ZBTB20: variants seen among roughly 807,000 people sequenced by gnomAD.
ZBTB20 encodes the protein zinc finger and BTB domain containing 20.
A neutral mutation model predicts 56.9 loss-of-function variants in ZBTB20; 9 were observed. The observed-to-expected ratio is 0.16, with a 90% confidence interval of 0.10 to 0.28. ZBTB20 has a LOEUF of 0.28. ZBTB20 is among the 10% of genes least tolerant of loss of function. ZBTB20 has a pLI of 1.00. For missense variants in ZBTB20, 655 were observed against 1,003.0 expected, an observed-to-expected ratio of 0.65 and a Z score of 4.69; for synonymous variants, 417 against 420.7, an observed-to-expected ratio of 0.99 and a Z score of 0.11.
rs2718442 is a variant in ZBTB20 at position 114,530,279 on chromosome 3, C to G, written c.-294-29888G>C. 6.6e-3 allele frequency among the ~76,000 whole-genome samples: 1,005 copies of G among 152,266 alleles called. 9 individuals carry two copies. The highest frequency in any genetic ancestry group is 0.022 in the African/African-American group (924 of 41,534). On this transcript the variant is annotated intron_variant, in intron 6 of 11. Coordinates refer to ENST00000675478, the MANE Select transcript of ZBTB20 (RefSeq NM_001348800.3). ...AGGCATACACTTTTGATCTTTTATGCTGTGTTTGTACTGTACCTTTTCAAT... is the reference window on the plus strand; with the variant it reads ...AGGCATACACTTTTGATCTTTTATGGTGTGTTTGTACTGTACCTTTTCAAT...
rs72943811 is a variant in ZBTB20 at position 115,026,411 on chromosome 3, T to A, written c.-507+44808A>T. Among the ~76,000 whole-genome samples, 897 of 151,188 alleles carry A rather than the reference T, an allele frequency of 5.9e-3. 12 individuals are homozygous for A. Among genetic ancestry groups the A allele is most frequent in the African/African-American group, 0.021 (868 of 41,418 alleles). ...ACCAAAGTTTTCTAGAATTTAATTG[T>A]TCTTCACCTAACATCTTTAAAACTC... On this transcript the variant is annotated intron_variant, in intron 2 of 11. Coordinates refer to ENST00000675478, the MANE Select transcript of ZBTB20 (RefSeq NM_001348800.3).
At chr3:114,588,451 A>G (rs1005772872) in intron 6 of ZBTB20, among the ~76,000 whole-genome samples, 1 of 152,088 alleles carries the variant, frequency 6.6e-6, no homozygotes, top group Non-Finnish European at 1.5e-5. Flanking sequence ...CAAATAATAA[A>G]CTCAGTGAGA....
chr3:114,622,379 A>G (rs2058380408), intron 6 of ZBTB20, among the ~76,000 whole-genome samples: 1 of 152,224 alleles, frequency 6.6e-6, no homozygotes, highest in African/African-American at 2.4e-5. Context: ...GTATAGTCCT[A>G]ACACGAGCTA....
chr3:114,596,342 T>C (rs1025632906), intron 6 of ZBTB20, among the ~76,000 whole-genome samples: 1 of 152,212 alleles, frequency 6.6e-6, no homozygotes, highest in African/African-American at 2.4e-5. Context: ...GAATGCACAA[T>C]GATGTCATTT....
At chr3:114,845,889 ACTTGT>A (rs1171535475) in intron 4 of ZBTB20, among the ~76,000 whole-genome samples, 9 of 152,174 alleles carry the variant, frequency 5.9e-5, no homozygotes. Context: ...GCTCAACTGC[ACTTGT>A]CTTGACCATA....
chr3:114,676,401 G>T (rs2061627448), intron 6 of ZBTB20, among the ~76,000 whole-genome samples: 1 of 152,112 alleles, frequency 6.6e-6, no homozygotes, highest in African/African-American at 2.4e-5. Flanking sequence ...ATGAGATAAT[G>T]TATGTTGGAG....
chr3:114,612,581 TC>T (rs1428210461), intron 6 of ZBTB20, among the ~76,000 whole-genome samples: 24 of 152,346 alleles, frequency 1.6e-4, no homozygotes, highest in Non-Finnish European at 1.3e-4. Context: ...TGGTCAGTGG[TC>T]TTTTCCAGTG....
chr3:115,040,115 CAA>C lies in ZBTB20; in HGVS notation c.-507+31102_-507+31103del, dbSNP rs1358934946. On this transcript the variant is annotated intron_variant, in intron 2 of 11. Coordinates refer to ENST00000675478, the MANE Select transcript of ZBTB20 (RefSeq NM_001348800.3). ...TTCATTTGTCAATTAAAAATAATAA[CAA>C]AGTTACATATATAATTTTTTTTATT... 4.6e-5 allele frequency among the ~76,000 whole-genome samples: 7 copies of C among 151,964 alleles called. No homozygotes were observed. The South Asian group carries it at 1.0e-3, about 22-fold the overall frequency.
chr3:115,093,917 A>G (rs2083288596), intron 1 of ZBTB20, among the ~76,000 whole-genome samples: 1 of 152,146 alleles, frequency 6.6e-6, no homozygotes, highest in Admixed American at 6.6e-5. Context: ...TGCTGTACAG[A>G]TAAGTCAAAT....
intron 11 of ZBTB20, among the ~76,000 whole-genome samples, chr3:114,346,155 T>TA (rs1415787582): frequency 1.3e-5 from 2 of 152,078 alleles, no homozygotes; most frequent in Non-Finnish European, 2.9e-5. Context: ...TGTTAAGAAA[T>TA]AAAAAAATTC....
chr3:114,679,978 C>T (rs2061872595), intron 6 of ZBTB20, among the ~76,000 whole-genome samples: 1 of 152,232 alleles, frequency 6.6e-6, no homozygotes, highest in Middle Eastern at 3.4e-3. Flanking sequence ...ACATCATGTC[C>T]CTTGCAGGGA....
chr3:114,436,899 C>G (rs2090556465), intron 7 of ZBTB20, among the ~76,000 whole-genome samples: 1 of 152,114 alleles, frequency 6.6e-6, no homozygotes, highest in South Asian at 2.1e-4. Flanking sequence ...GGGAACATAG[C>G]TGATTGTGAG....
At chr3:114,684,114 T>C (rs553100592) in intron 6 of ZBTB20, among the ~76,000 whole-genome samples, 6 of 152,334 alleles carry the variant, frequency 3.9e-5, no homozygotes, top group Admixed American at 1.3e-4. Flanking sequence ...AAATGACATG[T>C]TGTTAATAGG....
At chr3:115,059,486 A>T (rs78730321) in intron 2 of ZBTB20, among the ~76,000 whole-genome samples, 2,326 of 152,264 alleles carry the variant, frequency 0.015, 32 homozygotes, top group South Asian at 0.05. Context: ...AAACACTTCC[A>T]ATCCGCGAAA....
At position 114,933,525 on chromosome 3, in the gene ZBTB20, C is replaced by T. The variant is rs184745879; in HGVS notation, c.-455-33183G>A. Among the ~76,000 whole-genome samples the T allele has an allele frequency of 7.2e-5, 11 of 152,296 alleles. No individual in the cohort carries two copies. The South Asian group carries it at 2.1e-3, about 29-fold the overall frequency. On this transcript the variant is annotated intron_variant, in intron 3 of 11. Transcript: ENST00000675478. ...GCCAAATCTGCTCAGCAGCCACACA[C>T]AAAAAATGCCTTCAGGCAGACAGTC... is the stretch of plus-strand genomic sequence containing the variant.
At chr3:114,984,269 A>G (rs1560462419) in intron 2 of ZBTB20, among the ~76,000 whole-genome samples, 2 of 151,962 alleles carry the variant, frequency 1.3e-5, no homozygotes, top group African/African-American at 4.8e-5. Context: ...ATATATTTTT[A>G]TTATACTTTA....
At chr3:114,637,035 C>T (rs1293352678) in intron 6 of ZBTB20, among the ~76,000 whole-genome samples, 1 of 151,996 alleles carries the variant, frequency 6.6e-6, no homozygotes, top group Admixed American at 6.6e-5. Flanking sequence ...GTAAGAGTGG[C>T]TATTCTTATA....
chr3:114,711,974 C>T (rs2064117911), intron 5 of ZBTB20, among the ~76,000 whole-genome samples: 1 of 152,140 alleles, frequency 6.6e-6, no homozygotes, highest in South Asian at 2.1e-4. Context: ...CATGTCTTAT[C>T]CATCTTGTAT....
chr3:114,994,369 G>T (rs2108173052), intron 2 of ZBTB20, among the ~76,000 whole-genome samples: 1 of 151,924 alleles, frequency 6.6e-6, no homozygotes, highest in East Asian at 1.9e-4. Context: ...TTTAAGGAAT[G>T]GATAATCGTA....
Sources: gnomAD v4.1 joint callset for allele counts (sites outside exome capture counted in the v4.1 genomes callset) on GRCh38, gnomAD v4.1.1 for gene constraint, MANE v1.5 for transcripts, NCBI Gene and HGNC (gene_info 2026-07-23, HGNC 2026-07-21) for gene names.